ABHD2: variants seen among roughly 807,000 people sequenced by gnomAD.
The protein encoded by ABHD2 is monoacylglycerol lipase ABHD2.
A neutral mutation model predicts 48.1 loss-of-function variants in ABHD2; 20 were observed. The observed-to-expected ratio is 0.42, with a 90% CI of 0.29 to 0.60. The LOEUF (loss-of-function observed/expected upper bound fraction) is 0.60, where lower values mean the gene tolerates loss of function less well. ABHD2 is among the 20% of genes least tolerant of loss of function. ABHD2 has a pLI of 0.24. For synonymous variants in ABHD2, 209 were observed against 214.2 expected (o/e 0.98, Z 0.21); for missense variants, 405 against 550.9 (o/e 0.74, Z 2.65).
At position 89,120,900 on chromosome 15, in the gene ABHD2, A is replaced by G. The variant is rs558625697; in HGVS notation, c.194+4379A>G. ...ATAATGCACTATTAATATGTGGGCAATCATCCCTGTGGTTTTCCTTCTCCT... is the reference window on the plus strand; with the variant it reads ...ATAATGCACTATTAATATGTGGGCAGTCATCCCTGTGGTTTTCCTTCTCCT... On this transcript the variant is annotated intron_variant, in intron 3 of 10. Transcript: ENST00000352732. The surrounding 1 kb of genome is among the most constrained non-coding windows in gnomAD (Gnocchi z 4.2). The G allele has an allele frequency of 4.1e-4, 62 of 152,326 alleles. No individual in the cohort carries two copies. The highest frequency in any genetic ancestry group is 1.4e-3 in the African/African-American group (58 of 41,584). The allele number at this position is 152,326 out of a possible 1,614,324, so 9.4% of individuals were successfully genotyped here. A position where few individuals can be genotyped will look rare whatever the true frequency, so the allele number is the denominator to read the frequency against.
intron 5 of ABHD2, among the ~76,000 whole-genome samples, chr15:89,171,588 C>CT (rs2050928724): frequency 6.6e-6 from 1 of 152,170 alleles, no homozygotes; most frequent in African/African-American, 2.4e-5. Flanking sequence ...CGGCGATGTG[C>CT]TACCTGTGGA....
Position 89,097,685 on chromosome 15 carries a change from G to A in ABHD2, c.-107+9122G>A, listed in dbSNP as rs1204055535. ...TATAACATTCAAAAGGTACAACATA[G>A]TAAAGAGTGGAAAACTTCCTCCCAA... On this transcript the variant is annotated intron_variant, in intron 1 of 10. Transcript: ENST00000352732. This position sits in a 1 kb window ranked among gnomAD's most constrained non-coding sequence, Gnocchi z 4.2. Among the ~76,000 whole-genome samples the A allele has an allele frequency of 6.6e-6, 1 of 152,124 alleles. No individual in the cohort carries two copies. The highest frequency in any genetic ancestry group is 1.5e-5 in the Non-Finnish European group (1 of 68,032).
chr15:89,090,893 T>G (rs1340890614), intron 1 of ABHD2, among the ~76,000 whole-genome samples: 2 of 152,218 alleles, frequency 1.3e-5, no homozygotes, highest in Non-Finnish European at 2.9e-5. Context: ...ATGTGTCAAC[T>G]GCATTTAAGG....
At chr15:89,127,780 C>T (rs747738151) in intron 3 of ABHD2, among the ~76,000 whole-genome samples, 1 of 146,588 alleles carries the variant, frequency 6.8e-6, no homozygotes, top group Non-Finnish European at 1.5e-5. Flanking sequence ...TATTTAGTAA[C>T]CTGCTCTTCC....
intron 10 of ABHD2, among the ~76,000 whole-genome samples, chr15:89,193,985 G>A (rs556572953): frequency 1.3e-5 from 2 of 152,164 alleles, no homozygotes; most frequent in East Asian, 3.9e-4. Context: ...TAGCTACTCA[G>A]GAGGCTGAGG....
At chr15:89,044,797 G>T in the ABHD2 span, among the ~76,000 whole-genome samples, 3 of 152,110 alleles carry the variant, frequency 2.0e-5, no homozygotes, top group African/African-American at 7.2e-5. Flanking sequence ...GTAGATTCTG[G>T]ATATTAGCCC....
intron 3 of ABHD2, among the ~76,000 whole-genome samples, chr15:89,138,616 C>A (rs538791578): frequency 6.6e-6 from 1 of 152,056 alleles, no homozygotes; most frequent in Non-Finnish European, 1.5e-5. Flanking sequence ...ACATGCAAAA[C>A]GAAAGAAATG....
the ABHD2 span, among the ~76,000 whole-genome samples, chr15:89,063,164 T>G: frequency 6.6e-6 from 1 of 151,848 alleles, no homozygotes; most frequent in Admixed American, 6.6e-5. Flanking sequence ...GATGGGGTTT[T>G]ACCATGTTGG....
chr15:89,128,849 T>C (rs1267743599), intron 3 of ABHD2, among the ~76,000 whole-genome samples: 1 of 152,080 alleles, frequency 6.6e-6, no homozygotes, highest in Non-Finnish European at 1.5e-5. Context: ...AGGAAGAGTT[T>C]GGGCTTGATC....
chr15:89,136,948 G>C (rs1180399534), intron 3 of ABHD2, among the ~76,000 whole-genome samples: 3 of 152,230 alleles, frequency 2.0e-5, no homozygotes, highest in Non-Finnish European at 4.4e-5. Context: ...CAAGACACGG[G>C]TGCTCTGTGT....
the ABHD2 span, among the ~76,000 whole-genome samples, chr15:89,068,358 T>C: frequency 2.6e-5 from 4 of 152,294 alleles, no homozygotes; most frequent in East Asian, 5.8e-4. Context: ...AGACAGCAAC[T>C]AGCAGGGGTG....
Position 89,176,591 on chromosome 15 carries a change from G to A in ABHD2, c.722+596G>A, listed in dbSNP as rs1230387670. 1.3e-5 allele frequency among the ~76,000 whole-genome samples: 2 copies of A among 152,216 alleles called. No homozygotes were observed. Among genetic ancestry groups the A allele is most frequent in the South Asian group, 2.1e-4 (1 of 4,816 alleles). On this transcript the variant is annotated intron_variant, in intron 6 of 10. Coordinates refer to ENST00000352732, the MANE Select transcript of ABHD2 (RefSeq NM_152924.5). The surrounding 1 kb of genome is among the most constrained non-coding windows in gnomAD (Gnocchi z 4.5). ...ATGCCCCACAGGATGAGTCCCAGGA[G>A]GGCGTGGTCATCTGCCCCGATTCCC...
Position 89,151,181 on chromosome 15 carries a change from C to G in ABHD2, c.195-496C>G, listed in dbSNP as rs2050584924. Among the ~76,000 whole-genome samples, 1 of 152,208 alleles carries G rather than the reference C, an allele frequency of 6.6e-6. No individual in the cohort carries two copies. Among genetic ancestry groups the G allele is most frequent in the African/African-American group, 2.4e-5 (1 of 41,452 alleles). On this transcript the variant is annotated intron_variant, in intron 3 of 10. Transcript: ENST00000352732. This position sits in a 1 kb window ranked among gnomAD's most constrained non-coding sequence, Gnocchi z 4.7. ...ACAGGCTCTTAGAAGAATTTGCAGC[C>G]CTTCCCAGCACTAACTGAGAGTAGC...
the ABHD2 span, among the ~76,000 whole-genome samples, chr15:89,067,220 A>G: frequency 2.0e-5 from 3 of 152,230 alleles, no homozygotes; most frequent in Admixed American, 6.5e-5. Flanking sequence ...CACACTATTT[A>G]TTGGTGATCA....
chr15:89,067,438 G>C, the ABHD2 span, among the ~76,000 whole-genome samples: 6 of 152,282 alleles, frequency 3.9e-5, no homozygotes, highest in East Asian at 1.2e-3. Context: ...AGCAAGTCTA[G>C]ACACATTCCA....
chr15:89,192,176 G>A (rs2150953827), intron 9 of ABHD2, among the ~76,000 whole-genome samples: 1 of 152,274 alleles, frequency 6.6e-6, no homozygotes, highest in East Asian at 1.9e-4. Context: ...CCTGGCTAAA[G>A]CAGATCACTG....
At chr15:89,121,213 T>G (rs1217209847) in intron 3 of ABHD2, among the ~76,000 whole-genome samples, 1 of 152,198 alleles carries the variant, frequency 6.6e-6, no homozygotes, top group Non-Finnish European at 1.5e-5. Flanking sequence ...GCCCCTCTGG[T>G]CCTTGGTTTC....
intron 1 of ABHD2, among the ~76,000 whole-genome samples, chr15:89,101,415 G>A (rs543897591): frequency 1.2e-4 from 19 of 152,264 alleles, no homozygotes; most frequent in Admixed American, 7.2e-4. Flanking sequence ...GTACAGTGGC[G>A]TGGCAATTAC....
At chr15:89,050,096 T>C in the ABHD2 span, among the ~76,000 whole-genome samples, 1 of 152,160 alleles carries the variant, frequency 6.6e-6, no homozygotes, top group Non-Finnish European at 1.5e-5. Context: ...ACAAAATGTC[T>C]TGGAGAAAGA....
Sources: gnomAD v4.1 joint callset for allele counts (sites outside exome capture counted in the v4.1 genomes callset) on GRCh38, gnomAD v4.1.1 for gene constraint, Gnocchi (gnomAD v3.1) non-coding constraint, MANE v1.5 for transcripts, NCBI Gene and HGNC (gene_info 2026-07-23, HGNC 2026-07-21) for gene names.